MTMR2: variants seen among roughly 807,000 people sequenced by gnomAD.
MTMR2 encodes the protein phosphatidylinositol-3,5-bisphosphate 3-phosphatase MTMR2.
In MTMR2, 55 loss-of-function variants were observed where a neutral mutation model predicts 86.9. The observed-to-expected ratio is 0.63, with a 90% confidence interval of 0.51 to 0.79. The LOEUF (loss-of-function observed/expected upper bound fraction) is 0.79. MTMR2 is among the 30% of genes least tolerant of loss of function. The pLI, the probability that MTMR2 is intolerant of heterozygous loss-of-function variation, is 0.00. For synonymous variants in MTMR2, 241 were observed against 266.8 expected, an observed-to-expected ratio of 0.90 and a Z score of 0.94; for missense variants, 659 against 772.3, an observed-to-expected ratio of 0.85 and a Z score of 1.74.
chr11:95,865,760 C>T, intron 2 of MTMR2, 84 bp from the exon 3 acceptor site: 1 of 1,129,692 alleles, frequency 8.9e-7, no homozygotes, highest in East Asian at 2.4e-5. Context: ...TATACTTGCT[C>T]TTGAAGTTAT....
intron 1 of MTMR2, among the ~76,000 whole-genome samples, chr11:95,893,024 C>T (rs558313020): frequency 3.3e-5 from 5 of 152,286 alleles, no homozygotes; most frequent in Admixed American, 3.3e-4. Flanking sequence ...TAAAAACCTT[C>T]TTCCTCTAAG....
intron 11 of MTMR2, among the ~76,000 whole-genome samples, chr11:95,843,340 T>C (rs1380214184): frequency 6.6e-6 from 1 of 152,170 alleles, no homozygotes; most frequent in Non-Finnish European, 1.5e-5. Context: ...AAGCCAGTAT[T>C]TTCCAAATAA....
Position 95,835,343 on chromosome 11 carries a change from C to T in MTMR2, c.1879G>A (p.Glu627Lys), listed in dbSNP as rs1863216623. Residue 627 changes from glutamate to lysine, a missense_variant, in exon 15 of 15, where the codon GAG becomes AAG. Glu to Lys is a moderately conservative substitution (Grantham distance 56). Coordinates refer to ENST00000346299, the MANE Select transcript of MTMR2 (RefSeq NM_016156.6). ...EISNRSTSSSERASSPAQCVT... is the reference protein window; with the variant it reads ...EISNRSTSSSKRASSPAQCVT... ...CACTGTGCAGGAGAGCTGGCTCTCT[C>T]TGAGGATGAGGTTGATCGGTTAGAA... 6.2e-7 allele frequency: 1 copy of T among 1,613,140 alleles called. No individual in the cohort carries two copies. Among genetic ancestry groups the T allele is most frequent in the Non-Finnish European group, 8.5e-7 (1 of 1,179,358 alleles).
intron 2 of MTMR2, among the ~76,000 whole-genome samples, chr11:95,881,341 C>A (rs7103018): frequency 0.055 from 8,401 of 151,986 alleles, 813 homozygotes; most frequent in African/African-American, 0.19. Flanking sequence ...TAATCTTGAC[C>A]TTTTACCCTT....
At chr11:95,847,237 C>T (rs1482444022) in intron 10 of MTMR2, among the ~76,000 whole-genome samples, 1 of 152,154 alleles carries the variant, frequency 6.6e-6, no homozygotes, top group Admixed American at 6.6e-5. Flanking sequence ...TACCTATTCA[C>T]ACGGATAGTG....
intron 7 of MTMR2, among the ~76,000 whole-genome samples, chr11:95,855,432 T>A (rs1212822710): frequency 1.3e-5 from 2 of 151,332 alleles, no homozygotes; most frequent in African/African-American, 4.9e-5. Flanking sequence ...TTTATTTTTT[T>A]GTATAGATGG....
At chr11:95,892,162 C>A (rs982594842) in intron 1 of MTMR2, among the ~76,000 whole-genome samples, 1 of 152,108 alleles carries the variant, frequency 6.6e-6, no homozygotes, top group Non-Finnish European at 1.5e-5. Context: ...TGAAGTCAAG[C>A]TCTCTATGTT....
chr11:95,875,945 G>A (rs1865093485), intron 2 of MTMR2, among the ~76,000 whole-genome samples: 1 of 152,172 alleles, frequency 6.6e-6, no homozygotes, highest in African/African-American at 2.4e-5. Flanking sequence ...GTTGCTGCCT[G>A]ATCGTTCCTC....
intron 2 of MTMR2, among the ~76,000 whole-genome samples, chr11:95,878,873 A>G (rs1307244159): frequency 6.6e-6 from 1 of 152,262 alleles, no homozygotes; most frequent in African/African-American, 2.4e-5. Context: ...CTTTCATTTC[A>G]CCTCATACCA....
intron 11 of MTMR2, among the ~76,000 whole-genome samples, 160 bp downstream of exon 11, chr11:95,844,793 G>C (rs765215387): frequency 6.6e-6 from 1 of 152,122 alleles, no homozygotes; most frequent in Non-Finnish European, 1.5e-5. Flanking sequence ...GACTAGTCAT[G>C]TTAGGGATAT....
chr11:95,851,055 CTTTTTTTTTTTT>C (rs55809121), intron 7 of MTMR2, among the ~76,000 whole-genome samples: 9 of 93,416 alleles, frequency 9.6e-5, no homozygotes, highest in East Asian at 5.9e-4. Context: ...TCAAATATTC[CTTTTTTTTTTTT>C]TTTTTTTTTT....
chr11:95,919,387 TG>T (rs1373952341), intron 1 of MTMR2, among the ~76,000 whole-genome samples: 1 of 152,146 alleles, frequency 6.6e-6, no homozygotes, highest in Non-Finnish European at 1.5e-5. Context: ...ATTTTTTTAA[TG>T]GAAGTTAAAT....
intron 1 of MTMR2, among the ~76,000 whole-genome samples, chr11:95,897,990 C>A (rs922638220): frequency 6.6e-6 from 1 of 152,102 alleles, no homozygotes; most frequent in Non-Finnish European, 1.5e-5. Context: ...TACTTTTCTG[C>A]CAACTTGAAA....
At chr11:95,854,171 G>A (rs909306713) in intron 7 of MTMR2, among the ~76,000 whole-genome samples, 11 of 152,042 alleles carry the variant, frequency 7.2e-5, no homozygotes, top group Admixed American at 1.3e-4. Flanking sequence ...GCAGAAAACT[G>A]GAATTGGCTA....
chr11:95,865,019 A>G (rs1009122000), intron 3 of MTMR2, among the ~76,000 whole-genome samples: 4 of 151,964 alleles, frequency 2.6e-5, no homozygotes, highest in Admixed American at 6.6e-5. Context: ...AAGCATGAGG[A>G]AAAAAAACAC....
At chr11:95,869,583 C>T (rs1009539242) in intron 2 of MTMR2, among the ~76,000 whole-genome samples, 2 of 152,190 alleles carry the variant, frequency 1.3e-5, no homozygotes, top group African/African-American at 2.4e-5. Flanking sequence ...GAATAGTAAG[C>T]ATCTCACTGT....
chr11:95,842,554 A>G (rs563571837), intron 11 of MTMR2, among the ~76,000 whole-genome samples: 1 of 152,338 alleles, frequency 6.6e-6, no homozygotes, highest in African/African-American at 2.4e-5. Context: ...ATTTCCTCTG[A>G]GGACCTTTGA....
In MTMR2 at chr11:95,850,767, C is replaced by CA. The variant is rs780778988; in HGVS notation, c.655-19dup. ...GGAATTCCCTACATGTGAAATGAAA[C>CA]ATAAGACAAATTACTATATAACTAA... On this transcript the variant is annotated intron_variant, in intron 7 of 14. Coordinates refer to ENST00000346299, the MANE Select transcript of MTMR2 (RefSeq NM_016156.6). 1 of 1,570,924 alleles carries CA rather than the reference C, an allele frequency of 6.4e-7. No individual in the cohort carries two copies.
chr11:95,882,889 A>ATTTT lies in MTMR2; in HGVS notation c.186+5263_186+5266dup, dbSNP rs776661875. 1.4e-3 allele frequency among the ~76,000 whole-genome samples: 107 copies of ATTTT among 76,082 alleles called. 2 individuals are homozygous for ATTTT. The highest frequency in any genetic ancestry group is 1.8e-3 in the Non-Finnish European group (75 of 42,746). The allele number at this position is 76,082 out of a possible 152,430, so 49.9% of individuals were successfully genotyped here. On this transcript the variant is annotated intron_variant, in intron 2 of 14. Transcript: ENST00000346299. ...AGGCGCCCGCCACCACATCCAGCTA[A>ATTTT]TTTTTTTTTTTTTTTTTTTTTTTTT...
Sources: allele counts gnomAD v4.1 joint callset (sites outside exome capture counted in the v4.1 genomes callset), GRCh38; gene constraint gnomAD v4.1.1; transcripts MANE v1.5; gene names NCBI Gene and HGNC (gene_info 2026-07-23, HGNC 2026-07-21).